CDV3: variants seen among roughly 807,000 people sequenced by gnomAD.
CDV3 encodes the protein protein CDV3 homolog.
Under a neutral mutation model 24.5 loss-of-function variants are expected in CDV3, and 14 were observed. The ratio of observed to expected loss-of-function variants is 0.57; its 90% CI spans 0.38 to 0.89. CDV3 has a LOEUF of 0.89. CDV3 is among the 40% of genes least tolerant of loss of function. CDV3 has a pLI of 0.00. For synonymous variants in CDV3, 114 were observed against 114.1 expected, an observed-to-expected ratio of 1.00 and a Z score of 0.00; for missense variants, 304 against 310.2, an observed-to-expected ratio of 0.98 and a Z score of 0.15.
rs916098113 is a variant in CDV3 at position 133,573,963 on chromosome 3, G to A, written c.-82G>A. 3.2e-5 allele frequency: 32 copies of A among 995,908 alleles called. 1 individual carries two copies. The highest frequency in any genetic ancestry group is 1.8e-4 in the African/African-American group (10 of 57,094). 61.7% of individuals were successfully genotyped at this position (995,908 alleles called of 1,614,324 possible). ...CCGCGCCCGGCAGCGTGAGCGCAGA[G>A]CCGGCCTCGACCCCGAGCTCGGAGC... On this transcript the variant is annotated 5_prime_UTR_variant, in exon 1 of 5. Transcript: ENST00000264993.
chr3:133,585,444 G>A (rs1386483611), intron 3 of CDV3, among the ~76,000 whole-genome samples: 2 of 151,822 alleles, frequency 1.3e-5, no homozygotes, highest in South Asian at 2.1e-4. Context: ...GCCTCCCAAA[G>A]TGCTGGGATT....
chr3:133,577,991 T>C (rs537265417), intron 2 of CDV3, among the ~76,000 whole-genome samples: 1 of 152,170 alleles, frequency 6.6e-6, no homozygotes, highest in South Asian at 2.1e-4. Flanking sequence ...CTCTTTCATC[T>C]CTATTTTTTC....
chr3:133,586,636 G>T lies in CDV3; in HGVS notation c.540G>T (p.Arg180Ser). The change falls in exon 4 of 5, where the codon AGG (arginine) becomes AGT (serine). Residue 180 changes from arginine (R) to serine (S), a missense_variant. Physicochemically the swap from Arg to Ser is moderately radical, Grantham distance 110 (BLOSUM62 -1). Around this residue, in one of 3 missense-constraint regions of CDV3, gnomAD observed 29 missense variants for 55.8 expected, o/e 0.52. Transcript: ENST00000264993. ...CTGGGGCCAGGTTAACCACAACAAG[G>T]AAAACACCACAAGGACCACCAGAAA... ...RPPGARLTTTRKTPQGPPEIY... is the reference protein window; with the variant it reads ...RPPGARLTTTSKTPQGPPEIY... 6.3e-7 allele frequency: 1 copy of T among 1,596,918 alleles called. No individual in the cohort carries two copies. The highest frequency in any genetic ancestry group is 8.6e-7 in the Non-Finnish European group (1 of 1,164,306).
chr3:133,576,840 G>GTTTTT (rs1378596698), intron 2 of CDV3, among the ~76,000 whole-genome samples: 3 of 26,054 alleles, frequency 1.2e-4, no homozygotes, highest in Admixed American at 2.9e-4. Context: ...AGGTAGACTA[G>GTTTTT]CTTTTTTTTT....
intron 1 of CDV3, 105 bp from the exon 2 acceptor site, chr3:133,574,934 C>T (rs192695960): frequency 3.7e-6 from 3 of 809,160 alleles, no homozygotes; most frequent in East Asian, 2.6e-5. Flanking sequence ...CAAGTACATA[C>T]TTAGTTTAGG....
rs1362866563 is a variant in CDV3 at position 133,589,135 on chromosome 3, T to C, written c.*1089T>C. The C allele has an allele frequency of 2.6e-5, 4 of 152,682 alleles. No homozygotes were observed. Among genetic ancestry groups the C allele is most frequent in the African/African-American group, 9.6e-5 (4 of 41,456 alleles). The allele number at this position is 152,682 out of a possible 1,614,324, so 9.5% of individuals were successfully genotyped here. A position where few individuals can be genotyped will look rare whatever the true frequency, so the allele number is the denominator to read the frequency against. On this transcript the variant is annotated 3_prime_UTR_variant, in exon 5 of 5. Transcript: ENST00000264993. ...CTGCTCAGGCTAAGAGGGTCACTGA[T>C]CTGTCCTTAGAAATTCAGAGTAACA...
intron 2 of CDV3, among the ~76,000 whole-genome samples, chr3:133,582,657 G>T (rs780910612): frequency 1.1e-4 from 16 of 152,212 alleles, no homozygotes; most frequent in Non-Finnish European, 1.6e-4. Context: ...AAGAGAGTCA[G>T]GGTGATGAGT....
At chr3:133,584,235 G>A (rs114649403) in intron 3 of CDV3, 85 bp downstream of exon 3, 60,203 of 992,268 alleles carry the variant, frequency 0.061, 2,125 homozygotes, top group Middle Eastern at 0.12. Context: ...GTGCATGATT[G>A]TGGTAGGGTG....
intron 2 of CDV3, among the ~76,000 whole-genome samples, chr3:133,578,995 G>T (rs913082915): frequency 6.6e-6 from 1 of 152,128 alleles, no homozygotes; most frequent in Non-Finnish European, 1.5e-5. Context: ...GCTATAAAGG[G>T]GATAAAATGA....
intron 1 of CDV3, chr3:133,574,711 C>T (rs980014288): frequency 2.8e-6 from 3 of 1,089,080 alleles, no homozygotes; most frequent in South Asian, 5.3e-5. Flanking sequence ...TCTCTAAGCC[C>T]GTGAAAGAAA....
At chr3:133,577,206 G>T (rs1320138486) in intron 2 of CDV3, among the ~76,000 whole-genome samples, 2 of 151,856 alleles carry the variant, frequency 1.3e-5, no homozygotes, top group African/African-American at 4.8e-5. Flanking sequence ...GCCCTAAGTG[G>T]CCATCCTAGT....
At chr3:133,578,604 C>G (rs79272681) in intron 2 of CDV3, among the ~76,000 whole-genome samples, 1,646 of 152,314 alleles carry the variant, frequency 0.011, 29 homozygotes, top group African/African-American at 0.036. Context: ...AGAGACATTT[C>G]ATCATCCATG....
At chr3:133,580,195 C>T (rs960124347) in intron 2 of CDV3, among the ~76,000 whole-genome samples, 2 of 151,936 alleles carry the variant, frequency 1.3e-5, no homozygotes, top group African/African-American at 4.8e-5. Context: ...TGTTCAACTC[C>T]CACTTGTGAG....
intron 2 of CDV3, among the ~76,000 whole-genome samples, chr3:133,579,226 T>C (rs1309511182): frequency 6.6e-6 from 1 of 152,226 alleles, no homozygotes; most frequent in Non-Finnish European, 1.5e-5. Context: ...AGCATCATTA[T>C]TCTCCTCACC....
intron 1 of CDV3, chr3:133,574,709 C>A: frequency 9.2e-7 from 1 of 1,088,546 alleles, no homozygotes; most frequent in Non-Finnish European, 1.1e-6. Context: ...AGTCTCTAAG[C>A]CCGTGAAAGA....
chr3:133,587,187 A>G, intron 4 of CDV3: 2 of 1,365,772 alleles, frequency 1.5e-6, no homozygotes, highest in Non-Finnish European at 1.9e-6. Context: ...GCTACCTGGA[A>G]TTAAATGACT....
chr3:133,576,317 T>A (rs2074805003), intron 2 of CDV3, among the ~76,000 whole-genome samples: 1 of 151,708 alleles, frequency 6.6e-6, no homozygotes, highest in African/African-American at 2.4e-5. Context: ...TCCCAACCAC[T>A]TGTTGGCTTC....
rs146802459 is a variant in CDV3, at chr3:133,588,438, G to T, written c.*392G>T. On this transcript the variant is annotated 3_prime_UTR_variant, in exon 5 of 5. Coordinates refer to ENST00000264993, the MANE Select transcript of CDV3 (RefSeq NM_017548.5). ...GTGGATCACAACTTCTGGATAAGAAGATTACAACTATTAAGTGTCGATGTG... is the reference window on the plus strand; with the variant it reads ...GTGGATCACAACTTCTGGATAAGAATATTACAACTATTAAGTGTCGATGTG... The T allele has an allele frequency of 1.5e-5, 21 of 1,373,678 alleles. No individual in the cohort carries two copies. The highest frequency in any genetic ancestry group is 2.1e-5 in the Non-Finnish European group (21 of 999,734). 85.1% of individuals were successfully genotyped at this position (1,373,678 alleles called of 1,614,324 possible). A position where few individuals can be genotyped will look rare whatever the true frequency, so the allele number is the denominator to read the frequency against.
chr3:133,580,802 A>G (rs1559784732), intron 2 of CDV3, among the ~76,000 whole-genome samples: 1 of 152,146 alleles, frequency 6.6e-6, no homozygotes, highest in Non-Finnish European at 1.5e-5. Flanking sequence ...TGGCCTTCCA[A>G]AGTGCTGGGA....
Sources: allele counts gnomAD v4.1 joint callset (sites outside exome capture counted in the v4.1 genomes callset), GRCh38; gene constraint gnomAD v4.1.1; regional missense constraint gnomAD v4.1.1; transcripts MANE v1.5; gene names NCBI Gene and HGNC (gene_info 2026-07-23, HGNC 2026-07-21).